Variants in DNMBP observed in about 807,000 individuals in gnomAD.
DNMBP encodes the protein dynamin-binding protein.
Under a neutral mutation model 150.0 loss-of-function variants are expected in DNMBP, and 87 were observed. That is an observed-to-expected ratio of 0.58 (90% confidence interval 0.49 to 0.69). DNMBP has a LOEUF of 0.69. DNMBP is among the 30% of genes least tolerant of loss of function. The pLI, the probability that DNMBP is intolerant of heterozygous loss-of-function variation, is 0.00. For synonymous variants in DNMBP, 711 were observed against 750.4 expected (o/e 0.95, Z 0.86); for missense variants, 1,774 against 1,949.0 (o/e 0.91, Z 1.69).
chr10:99,916,545 T>C (rs1168895619), intron 4 of DNMBP, among the ~76,000 whole-genome samples: 2 of 152,168 alleles, frequency 1.3e-5, no homozygotes, highest in South Asian at 4.1e-4. Flanking sequence ...GCAGAAATTA[T>C]GTGAAATGAA....
At chr10:99,966,405 C>T (rs1240486640) in intron 3 of DNMBP, among the ~76,000 whole-genome samples, 1 of 152,220 alleles carries the variant, frequency 6.6e-6, no homozygotes, top group African/African-American at 2.4e-5. Flanking sequence ...AAGATAAAAT[C>T]TAGATTCCAG....
At chr10:99,932,507 A>C (rs2133289335) in intron 4 of DNMBP, among the ~76,000 whole-genome samples, 1 of 152,144 alleles carries the variant, frequency 6.6e-6, no homozygotes, top group South Asian at 2.1e-4. Flanking sequence ...GCTCGTATGG[A>C]AACCTGAATA....
At chr10:99,994,706 G>C (rs2040933073) in intron 1 of DNMBP, among the ~76,000 whole-genome samples, 1 of 152,194 alleles carries the variant, frequency 6.6e-6, no homozygotes, top group Non-Finnish European at 1.5e-5. Context: ...GAATAGAAGA[G>C]GGATATGAAA....
intron 1 of DNMBP, among the ~76,000 whole-genome samples, chr10:99,974,346 G>C (rs1261020903): frequency 6.6e-6 from 1 of 152,140 alleles, no homozygotes; most frequent in Non-Finnish European, 1.5e-5. Context: ...ATGTGGCTGG[G>C]GAACCTACGT....
rs1564743260 is a variant in DNMBP, at chr10:99,951,873, G to GTCCC, written c.2260+3340_2260+3341insGGGA. ...TAAGACTTTGGGGGACTGTTGGGAAGGCATGATTAGTTTTGAAATGTGACG... is the reference window on the plus strand; with the variant it reads ...TAAGACTTTGGGGGACTGTTGGGAAGTCCCGCATGATTAGTTTTGAAATGTGACG... On this transcript the variant is annotated intron_variant, in intron 4 of 16. Transcript: ENST00000324109. Among the ~76,000 whole-genome samples, 8 of 152,298 alleles carry GTCCC rather than the reference G, an allele frequency of 5.3e-5. No homozygotes were observed. The East Asian group carries it at 9.6e-4, about 18-fold the overall frequency.
chr10:99,897,843 G>T (rs962875599), intron 9 of DNMBP, among the ~76,000 whole-genome samples: 1 of 152,114 alleles, frequency 6.6e-6, no homozygotes, highest in Non-Finnish European at 1.5e-5. Flanking sequence ...AACATGGGAG[G>T]TGGAGGTTGC....
intron 4 of DNMBP, chr10:99,930,575 T>A: frequency 1.4e-6 from 1 of 702,836 alleles, no homozygotes; most frequent in South Asian, 1.5e-5. Context: ...CACAATCCCT[T>A]TTTCTGTAGG....
intron 1 of DNMBP, among the ~76,000 whole-genome samples, chr10:99,975,404 A>C (rs2040717857): frequency 6.6e-6 from 1 of 152,196 alleles, no homozygotes; most frequent in South Asian, 2.1e-4. Flanking sequence ...ATGTGGATAA[A>C]CATATTAGGC....
intron 6 of DNMBP, among the ~76,000 whole-genome samples, chr10:99,907,394 CTT>C (rs562561783): frequency 6.6e-6 from 1 of 150,566 alleles, no homozygotes; most frequent in East Asian, 2.0e-4. Context: ...CTGATATTTT[CTT>C]TTGTTTTTTT....
At chr10:99,996,818 C>T (rs2040955746) in intron 1 of DNMBP, among the ~76,000 whole-genome samples, 1 of 152,188 alleles carries the variant, frequency 6.6e-6, no homozygotes, top group South Asian at 2.1e-4. Flanking sequence ...ATTCTTTTCA[C>T]TTTAATACTG....
rs557602018 is a variant in DNMBP, at chr10:99,931,228, A to C, written c.2261-22082T>G. ...TCCTTTAGTAAGCCACCAGGGGTAT[A>C]AACAAGTGCTTTCCTTCTCAAGCTG... is the stretch of plus-strand genomic sequence containing the variant. On this transcript the variant is annotated intron_variant, in intron 4 of 16. Transcript: ENST00000324109. 6.8e-4 allele frequency among the ~76,000 whole-genome samples: 104 copies of C among 152,302 alleles called. 1 individual carries two copies. The highest frequency in any genetic ancestry group is 2.4e-3 in the African/African-American group (98 of 41,568).
chr10:99,894,951 T>C lies in DNMBP; in HGVS notation c.3151A>G (p.Ile1051Val). ...IRDLSLYLQH[I>V]RESACVKVVA... ...ACAGTGATGTTGATGCTCACCCGGA[T>C]GTGCTGGAGGTAGAGAGACAGGTCT... is the stretch of plus-strand genomic sequence containing the variant. Residue 1051 changes from isoleucine (I) to valine (V), a missense_variant, in exon 11 of 17, where the codon ATC becomes GTC. Coordinates refer to ENST00000324109, the MANE Select transcript of DNMBP (RefSeq NM_015221.4). 1 of 1,611,952 alleles carries C rather than the reference T, an allele frequency of 6.2e-7. No homozygotes were observed.
chr10:99,920,863 A>G (rs2040015103), intron 4 of DNMBP, among the ~76,000 whole-genome samples: 1 of 152,046 alleles, frequency 6.6e-6, no homozygotes, highest in Non-Finnish European at 1.5e-5. Flanking sequence ...AATCTTTTGT[A>G]GAGATGGGGT....
At position 99,955,968 on chromosome 10, in the gene DNMBP, T is replaced by C. The variant is rs773814155; in HGVS notation, c.1506A>G (p.Leu502=). ...TGTGGTGCTTTTTAGTATAACTTGC[T>C]AGGTTGTGGAGCTGAGGACTTGATT... is the stretch of plus-strand genomic sequence containing the variant. ...PRQSSPQLHN[L]ASYTKKHHTS... Residue 502 remains leucine, a synonymous_variant, in exon 4 of 17, where the codon CTA becomes CTG. Transcript: ENST00000324109. The C allele has an allele frequency of 6.2e-7, 1 of 1,614,166 alleles. No homozygotes were observed. The highest frequency in any genetic ancestry group is 8.5e-7 in the Non-Finnish European group (1 of 1,180,016).
intron 11 of DNMBP, 123 bp from the exon 12 acceptor site, chr10:99,889,076 G>A: frequency 8.7e-7 from 1 of 1,145,308 alleles, no homozygotes; most frequent in Non-Finnish European, 1.2e-6. Context: ...TTTCTAACTA[G>A]TCTGGTATTT....
intron 1 of DNMBP, among the ~76,000 whole-genome samples, chr10:99,982,915 C>G (rs1589448885): frequency 6.6e-6 from 1 of 151,766 alleles, no homozygotes; most frequent in African/African-American, 2.4e-5. Flanking sequence ...TTGCAGCAAG[C>G]TGATCGCACT....
chr10:100,005,833 A>G (rs1253629619), intron 1 of DNMBP, among the ~76,000 whole-genome samples: 1 of 152,072 alleles, frequency 6.6e-6, no homozygotes, highest in East Asian at 1.9e-4. Context: ...ATCAAGATAC[A>G]TACACATAAA....
intron 1 of DNMBP, among the ~76,000 whole-genome samples, chr10:100,000,900 C>T (rs1289295873): frequency 2.4e-5 from 3 of 124,614 alleles, no homozygotes; most frequent in Non-Finnish European, 5.0e-5. Flanking sequence ...CAGCAGGGTA[C>T]AGGAATGGGG....
chr10:99,948,010 T>C (rs1039706232), intron 4 of DNMBP, among the ~76,000 whole-genome samples: 15 of 152,216 alleles, frequency 9.9e-5, no homozygotes, highest in Non-Finnish European at 1.8e-4. Context: ...ACGATGTTGA[T>C]GATAGGGGAA....
Sources: allele counts gnomAD v4.1 joint callset (sites outside exome capture counted in the v4.1 genomes callset), GRCh38; gene constraint gnomAD v4.1.1; transcripts MANE v1.5; gene names NCBI Gene and HGNC (gene_info 2026-07-23, HGNC 2026-07-21).